The following LCOR variants were observed in gnomAD, a reference collection of about 807,000 sequenced individuals.
LCOR encodes the protein ligand dependent nuclear receptor corepressor.
In LCOR, 14 loss-of-function variants were observed where a neutral mutation model predicts 64.4. The ratio of observed to expected loss-of-function variants is 0.22; its 90% CI spans 0.14 to 0.34. The LOEUF (loss-of-function observed/expected upper bound fraction) is 0.34. LCOR is among the 10% of genes least tolerant of loss of function. LCOR has a pLI of 1.00. For missense variants in LCOR, 1,686 were observed against 1,765.3 expected, an observed-to-expected ratio of 0.96 and a Z score of 0.80; for synonymous variants, 643 against 642.5, an observed-to-expected ratio of 1.00 and a Z score of -0.01.
Position 96,991,401 on chromosome 10 carries a change from T to A in LCOR, c.*6267T>A, listed in dbSNP as rs1219419229. ...AAACTAAAAGTGCAGTCTTTAAAAG[T>A]ACAGTCTTCATTTTTATGAATCAGA... On this transcript the variant is annotated 3_prime_UTR_variant, in exon 8 of 8. Transcript: ENST00000421806. 1 of 152,174 alleles carries A rather than the reference T, an allele frequency of 6.6e-6. No homozygotes were observed. The highest frequency in any genetic ancestry group is 2.4e-5 in the African/African-American group (1 of 41,414). The allele number at this position is 152,174 out of a possible 1,614,324, so 9.4% of individuals were successfully genotyped here.
intron 7 of LCOR, chr10:96,962,659 T>A (rs1589685915): frequency 6.6e-6 from 1 of 152,202 alleles, no homozygotes; most frequent in Non-Finnish European, 1.5e-5. Context: ...GATATTGATA[T>A]GCTGTGCTGT....
chr10:96,946,769 A>G (rs1847596395), intron 5 of LCOR, among the ~76,000 whole-genome samples: 1 of 152,138 alleles, frequency 6.6e-6, no homozygotes, highest in African/African-American at 2.4e-5. Context: ...AAGATACTGC[A>G]GACATTGAGT....
At chr10:96,941,244 C>T in intron 4 of LCOR, among the ~76,000 whole-genome samples, 1 of 140,900 alleles carries the variant, frequency 7.1e-6, no homozygotes, top group East Asian at 2.1e-4. Context: ...GGGGCTGACC[C>T]CCCCACCTCC....
At chr10:96,970,939 G>A (rs1482278762) in intron 7 of LCOR, among the ~76,000 whole-genome samples, 3 of 152,036 alleles carry the variant, frequency 2.0e-5, no homozygotes, top group Admixed American at 2.0e-4. Flanking sequence ...TTTTAAAAAA[G>A]AAACAGAATC....
At chr10:96,857,102 GTA>G (rs1845819151) in intron 2 of LCOR, among the ~76,000 whole-genome samples, 1 of 151,658 alleles carries the variant, frequency 6.6e-6, no homozygotes, top group Non-Finnish European at 1.5e-5. Context: ...ATATATGTGT[GTA>G]TATAGTACAT....
chr10:96,850,540 T>G (rs1004390836), intron 2 of LCOR, among the ~76,000 whole-genome samples: 12 of 152,074 alleles, frequency 7.9e-5, no homozygotes, highest in African/African-American at 2.9e-4. Flanking sequence ...CAGGCTGGAG[T>G]GCATGGTGTG....
intron 7 of LCOR, among the ~76,000 whole-genome samples, chr10:96,979,879 C>T (rs777233885): frequency 3.3e-5 from 5 of 152,242 alleles, no homozygotes; most frequent in Non-Finnish European, 1.5e-5. Context: ...TGCGGCGGCT[C>T]ACGCCTGTAA....
At chr10:96,926,318 C>T (rs890625443) in intron 4 of LCOR, among the ~76,000 whole-genome samples, 15 of 152,048 alleles carry the variant, frequency 9.9e-5, no homozygotes, top group African/African-American at 3.6e-4. Context: ...GAATATTGTG[C>T]AAAGAAATTT....
At chr10:96,947,021 A>C (rs1021400222) in intron 5 of LCOR, among the ~76,000 whole-genome samples, 3 of 152,140 alleles carry the variant, frequency 2.0e-5, no homozygotes, top group Admixed American at 6.5e-5. Context: ...AGATTTATGT[A>C]GGGAGAAAAG....
rs778649685 is a variant in LCOR, at chr10:96,984,074, G to T, written c.3614G>T (p.Arg1205Leu). The T allele has an allele frequency of 1.2e-6, 2 of 1,613,968 alleles. No individual in the cohort carries two copies. The highest frequency in any genetic ancestry group is 1.7e-6 in the Non-Finnish European group (2 of 1,179,948). ...SLVIVKKLNT[R>L]LPGDVPPVKH... The stretch of plus-strand genomic sequence containing the variant: ...GTCATTGTGAAGAAGCTCAATACTC[G>T]CCTTCCAGGAGACGTTCCCCCTGTC... Residue 1205 changes from arginine to leucine, a missense_variant, in exon 8 of 8, where the codon CGC becomes CTC. Arg to Leu is a moderately radical substitution (Grantham distance 102, BLOSUM62 -2). This residue lies in a region of LCOR where 1,293 missense variants were observed against 1,410.4 expected (regional missense o/e 0.92). Coordinates refer to ENST00000421806, the MANE Select transcript of LCOR (RefSeq NM_001346516.2).
intron 7 of LCOR, chr10:96,955,369 C>T (rs927015040): frequency 1.3e-5 from 21 of 1,614,032 alleles, no homozygotes; most frequent in East Asian, 2.2e-5. Context: ...CATTCATCTC[C>T]TGTAGATTTA....
intron 4 of LCOR, among the ~76,000 whole-genome samples, chr10:96,919,574 C>T (rs1361845089): frequency 1.3e-5 from 2 of 152,076 alleles, no homozygotes; most frequent in Admixed American, 6.5e-5. Flanking sequence ...TAGTTAAGTA[C>T]TTGCATTGTT....
chr10:96,848,041 T>G (rs1164859785), intron 2 of LCOR, among the ~76,000 whole-genome samples: 1 of 152,240 alleles, frequency 6.6e-6, no homozygotes, highest in Non-Finnish European at 1.5e-5. Flanking sequence ...AAATTATTTC[T>G]TAAAACCATA....
At chr10:96,939,319 G>A (rs1015054209) in intron 4 of LCOR, among the ~76,000 whole-genome samples, 6 of 152,122 alleles carry the variant, frequency 3.9e-5, no homozygotes, top group African/African-American at 1.4e-4. Context: ...GAATGAGGTT[G>A]GACCCCTTCC....
At chr10:96,869,736 A>G (rs1846039462) in intron 2 of LCOR, among the ~76,000 whole-genome samples, 1 of 151,568 alleles carries the variant, frequency 6.6e-6, no homozygotes, top group Non-Finnish European at 1.5e-5. Flanking sequence ...CACCACGTTC[A>G]GCTATTTTTT....
In LCOR at chr10:96,982,236, G is replaced by A. The variant is rs750604127; in HGVS notation, c.1776G>A (p.Glu592=). 5 of 1,614,206 alleles carry A rather than the reference G, an allele frequency of 3.1e-6. No homozygotes were observed. The highest frequency in any genetic ancestry group is 4.2e-6 in the Non-Finnish European group (5 of 1,180,024). Residue 592 remains glutamate (E), a synonymous_variant, in exon 8 of 8, where the codon GAG becomes GAA. Transcript: ENST00000421806. ...CTCGAAAAGAACCTCAAGAGCCTGA[G>A]GTTTGCCCCACAAAGATTAAGCCGA... is the stretch of plus-strand genomic sequence containing the variant. ...VSPRKEPQEP[E]VCPTKIKPNL... is the part of the protein sequence containing the mutation.
chr10:96,917,342 T>C (rs1357683293), intron 4 of LCOR, among the ~76,000 whole-genome samples: 1 of 152,234 alleles, frequency 6.6e-6, no homozygotes, highest in Non-Finnish European at 1.5e-5. Context: ...TTGGGGAAAC[T>C]ATGAGTGGCA....
intron 4 of LCOR, among the ~76,000 whole-genome samples, chr10:96,941,165 C>A (rs1388750097): frequency 7.4e-6 from 1 of 134,766 alleles, no homozygotes; most frequent in African/African-American, 2.8e-5. Context: ...ACCTCCCGGA[C>A]AGGGCGGCTG....
chr10:96,956,034 A>G (rs1318297822), intron 7 of LCOR: 2 of 1,484,070 alleles, frequency 1.3e-6, no homozygotes, highest in African/African-American at 2.8e-5. Context: ...GCTTCTTTGC[A>G]GATTTTGCAT....
Sources: gnomAD v4.1 joint callset for allele counts (sites outside exome capture counted in the v4.1 genomes callset) on GRCh38, gnomAD v4.1.1 for gene constraint, gnomAD v4.1.1 regional missense constraint, MANE v1.5 for transcripts, NCBI Gene and HGNC (gene_info 2026-07-23, HGNC 2026-07-21) for gene names.